The following PRKCB variants were observed in gnomAD, a reference collection of about 807,000 sequenced individuals.
The protein encoded by PRKCB is protein kinase C beta type.
Under a neutral mutation model 81.5 loss-of-function variants are expected in PRKCB, and 13 were observed. The observed-to-expected ratio is 0.16, with a 90% CI of 0.10 to 0.25. The LOEUF (loss-of-function observed/expected upper bound fraction) is 0.25. Among genes scored for constraint, PRKCB ranks in the 10% least tolerant of loss-of-function variants. The pLI is 1.00. For missense variants in PRKCB, 509 were observed against 875.7 expected (o/e 0.58, Z 5.29); for synonymous variants, 335 against 321.4 (o/e 1.04, Z -0.45).
intron 11 of PRKCB, 115 bp from the exon 12 acceptor site, chr16:24,174,403 C>A (rs1311528888): frequency 7.8e-6 from 7 of 897,258 alleles, no homozygotes; most frequent in African/African-American, 1.7e-5. Flanking sequence ...AGCTGACCAT[C>A]CATGGGTTCT....
intron 2 of PRKCB, among the ~76,000 whole-genome samples, chr16:23,911,387 C>A (rs1211189347): frequency 6.6e-6 from 1 of 151,930 alleles, no homozygotes; most frequent in Non-Finnish European, 1.5e-5. Flanking sequence ...CTCGGCCTCC[C>A]AAAGTGCTGG....
chr16:23,973,398 G>T (rs1347176901), intron 2 of PRKCB, among the ~76,000 whole-genome samples: 1 of 152,120 alleles, frequency 6.6e-6, no homozygotes, highest in Non-Finnish European at 1.5e-5. Context: ...AGCCAGGCTG[G>T]TTTCTAACTC....
In PRKCB at chr16:24,022,052, C is replaced by A. The variant is rs9926307; in HGVS notation, c.289-10084C>A. On this transcript the variant is annotated intron_variant, in intron 3 of 16. Coordinates refer to ENST00000643927, the MANE Select transcript of PRKCB (RefSeq NM_002738.7). The stretch of plus-strand genomic sequence containing the variant: ...AACAGGAAATACTGGGAAGAGGAAT[C>A]GTGCCAGGATCCTGTGGAAACCTGA... Among the ~76,000 whole-genome samples, 392 of 152,210 alleles carry A rather than the reference C, an allele frequency of 2.6e-3. 4 individuals are homozygous for A. Among genetic ancestry groups the A allele is most frequent in the Admixed American group, 9.7e-3 (148 of 15,288 alleles).
At chr16:24,101,872 A>G (rs1966512930) in intron 7 of PRKCB, among the ~76,000 whole-genome samples, 1 of 152,224 alleles carries the variant, frequency 6.6e-6, no homozygotes, top group South Asian at 2.1e-4. Context: ...AGTAAGCCCA[A>G]AATATTACTG....
chr16:24,219,317 C>A lies in PRKCB; in HGVS notation c.*4501C>A. On this transcript the variant is annotated 3_prime_UTR_variant, in exon 17 of 17. Transcript: ENST00000643927. ...CCCTCCTTTAAGCTTTGGGTTTTCTCTCTTATAGTTTGTTGACACATGCTA... is the reference window on the plus strand; with the variant it reads ...CCCTCCTTTAAGCTTTGGGTTTTCTATCTTATAGTTTGTTGACACATGCTA... The A allele has an allele frequency of 1.0e-6, 1 of 961,488 alleles. No individual in the cohort carries two copies. The highest frequency in any genetic ancestry group is 1.2e-6 in the Non-Finnish European group (1 of 823,004). The allele number at this position is 961,488 out of a possible 1,614,324, so 59.6% of individuals were successfully genotyped here.
intron 16 of PRKCB, 112 bp from the exon 17 acceptor site, chr16:24,214,546 G>C (rs1431812742): frequency 2.4e-6 from 2 of 836,250 alleles, no homozygotes; most frequent in Non-Finnish European, 3.8e-6. Flanking sequence ...GTTTCTGAAA[G>C]GGAAGGGAAT....
chr16:24,003,494 C>T (rs927063988), intron 3 of PRKCB, among the ~76,000 whole-genome samples: 2 of 151,824 alleles, frequency 1.3e-5, no homozygotes, highest in Non-Finnish European at 2.9e-5. Context: ...AAGCAATTCT[C>T]CTGCCTCAGC....
At chr16:23,839,032 C>T (rs1475999615) in intron 2 of PRKCB, among the ~76,000 whole-genome samples, 2 of 152,172 alleles carry the variant, frequency 1.3e-5, no homozygotes, top group South Asian at 2.1e-4. Flanking sequence ...GAATCAGTTT[C>T]AGTCTTTGTC....
intron 5 of PRKCB, among the ~76,000 whole-genome samples, chr16:24,064,159 A>G (rs760545168): frequency 2.6e-5 from 4 of 152,172 alleles, no homozygotes; most frequent in South Asian, 2.1e-4. Context: ...TGGGAAAGCA[A>G]GTAGGTAAAG....
chr16:23,984,919 C>T (rs369549146), intron 2 of PRKCB, among the ~76,000 whole-genome samples: 16 of 151,860 alleles, frequency 1.1e-4, no homozygotes, highest in Non-Finnish European at 1.8e-4. Flanking sequence ...CATGGAACTA[C>T]GACAGGGGGA....
intron 4 of PRKCB, among the ~76,000 whole-genome samples, chr16:24,033,863 G>A (rs1275627138): frequency 1.3e-5 from 2 of 152,126 alleles, no homozygotes; most frequent in African/African-American, 4.8e-5. Context: ...CAGAGACAGA[G>A]ACAGAAGCAC....
chr16:23,989,080 C>T lies in PRKCB; in HGVS notation c.288+490C>T, dbSNP rs575430776. Among the ~76,000 whole-genome samples, 7 of 152,280 alleles carry T rather than the reference C, an allele frequency of 4.6e-5. No individual in the cohort carries two copies. The South Asian group carries it at 1.5e-3, about 32-fold the overall frequency. Reference sequence around the variant, plus strand: ...GGTTCATGCCATTCTCCTGCCTCAGCCTCCCGAGGAGCTGGGACTACAGGC... The same window carrying T: ...GGTTCATGCCATTCTCCTGCCTCAGTCTCCCGAGGAGCTGGGACTACAGGC... On this transcript the variant is annotated intron_variant, in intron 3 of 16. Transcript: ENST00000643927.
chr16:24,150,049 G>A (rs1353321637), intron 9 of PRKCB, among the ~76,000 whole-genome samples: 2 of 152,152 alleles, frequency 1.3e-5, no homozygotes, highest in African/African-American at 4.8e-5. Flanking sequence ...GACCACGCTA[G>A]GCTGAGTGTG....
intron 3 of PRKCB, among the ~76,000 whole-genome samples, chr16:24,010,220 A>G (rs565662175): frequency 1.3e-5 from 2 of 152,154 alleles, no homozygotes; most frequent in Non-Finnish European, 2.9e-5. Context: ...TGAACACCCT[A>G]TCTGAAAGGG....
chr16:24,199,555 C>T (rs1479472587), intron 16 of PRKCB, among the ~76,000 whole-genome samples: 1 of 152,150 alleles, frequency 6.6e-6, no homozygotes, highest in Non-Finnish European at 1.5e-5. Flanking sequence ...AGCACAGAAC[C>T]TAACTCCCCC....
chr16:24,043,396 T>G (rs1369929725), intron 5 of PRKCB, among the ~76,000 whole-genome samples: 1 of 152,240 alleles, frequency 6.6e-6, no homozygotes, highest in Non-Finnish European at 1.5e-5. Flanking sequence ...CTTTAAAAAC[T>G]CAATACACCT....
chr16:24,057,503 G>A (rs939581145), intron 5 of PRKCB, among the ~76,000 whole-genome samples: 3 of 152,130 alleles, frequency 2.0e-5, no homozygotes, highest in Non-Finnish European at 1.5e-5. Context: ...TTCTGTATGG[G>A]AGGTCATTTG....
At chr16:24,076,851 A>G (rs1966183878) in intron 5 of PRKCB, among the ~76,000 whole-genome samples, 1 of 151,786 alleles carries the variant, frequency 6.6e-6, no homozygotes, top group Admixed American at 6.6e-5. Context: ...CTGTGCCGGA[A>G]CTCTGTCTAT....
chr16:24,202,440 A>G (rs982046987), intron 16 of PRKCB, among the ~76,000 whole-genome samples: 1 of 152,118 alleles, frequency 6.6e-6, no homozygotes, highest in Non-Finnish European at 1.5e-5. Flanking sequence ...AGCTTGTCTC[A>G]TCTTTCTTGA....
Sources: gnomAD v4.1 joint callset for allele counts (sites outside exome capture counted in the v4.1 genomes callset) on GRCh38, gnomAD v4.1.1 for gene constraint, MANE v1.5 for transcripts, NCBI Gene and HGNC (gene_info 2026-07-23, HGNC 2026-07-21) for gene names.